Variants in USP15 observed in about 807,000 individuals in gnomAD.
USP15 encodes ubiquitin carboxyl-terminal hydrolase 15.
A neutral mutation model predicts 127.1 loss-of-function variants in USP15; 18 were observed. The ratio of observed to expected loss-of-function variants is 0.14; its 90% CI spans 0.10 to 0.21. USP15 has a LOEUF of 0.21. Among genes scored for constraint, USP15 ranks in the 10% least tolerant of loss-of-function variants. The probability of loss-of-function intolerance (pLI) is 1.00; values close to 1 mark genes in which losing one functional copy is unlikely to be tolerated. For missense variants in USP15, 805 were observed against 1,159.9 expected, an observed-to-expected ratio of 0.69 and a Z score of 4.44; for synonymous variants, 364 against 393.7, an observed-to-expected ratio of 0.92 and a Z score of 0.89.
At chr12:62,357,716 A>G (rs1057365757) in intron 8 of USP15, among the ~76,000 whole-genome samples, 2 of 152,156 alleles carry the variant, frequency 1.3e-5, no homozygotes, top group African/African-American at 4.8e-5. Context: ...GTGCGGCTTT[A>G]GCTTTTAGTT....
intron 1 of USP15, among the ~76,000 whole-genome samples, chr12:62,287,367 A>G (rs979281064): frequency 9.2e-5 from 14 of 152,228 alleles, no homozygotes; most frequent in African/African-American, 3.4e-4. Context: ...TGATATAAAA[A>G]TAAATTTTAA....
intron 2 of USP15, among the ~76,000 whole-genome samples, chr12:62,298,068 T>C (rs2064188793): frequency 6.6e-6 from 1 of 152,166 alleles, no homozygotes; most frequent in Non-Finnish European, 1.5e-5. Flanking sequence ...ATTGGCAAAC[T>C]TGTAGACGGA....
intron 8 of USP15, among the ~76,000 whole-genome samples, chr12:62,367,245 T>A (rs1333540442): frequency 1.3e-5 from 2 of 152,084 alleles, no homozygotes; most frequent in African/African-American, 4.8e-5. Flanking sequence ...GTTTTTTGTT[T>A]TTTTGAGATG....
intron 1 of USP15, among the ~76,000 whole-genome samples, chr12:62,279,664 C>T (rs950589039): frequency 1.3e-5 from 2 of 151,958 alleles, no homozygotes; most frequent in Admixed American, 6.6e-5. Flanking sequence ...CATCCTAACA[C>T]GTGTGAGGTG....
chr12:62,329,412 A>G (rs2065219999), intron 6 of USP15, among the ~76,000 whole-genome samples: 1 of 152,180 alleles, frequency 6.6e-6, no homozygotes, highest in South Asian at 2.1e-4. Context: ...GAAATTTTGG[A>G]GAATAACTAC....
intron 8 of USP15, among the ~76,000 whole-genome samples, chr12:62,365,512 C>T (rs189415477): frequency 2.2e-4 from 34 of 152,172 alleles, no homozygotes; most frequent in Admixed American, 1.2e-3. Context: ...TGCCTGTTCA[C>T]GCTCATGGTA....
intron 19 of USP15, 45 bp downstream of exon 19, chr12:62,393,247 C>G (rs1413493540): frequency 6.3e-7 from 1 of 1,579,988 alleles, no homozygotes; most frequent in Non-Finnish European, 8.6e-7. Flanking sequence ...ACTCTTCTTT[C>G]AAACTTATTT....
At chr12:62,382,324 A>G (rs1023617866) in intron 9 of USP15, among the ~76,000 whole-genome samples, 2 of 151,966 alleles carry the variant, frequency 1.3e-5, no homozygotes, top group Non-Finnish European at 2.9e-5. Flanking sequence ...TATAGGTGAA[A>G]CTTTGAGAAG....
chr12:62,373,788 T>G (rs1167183903), intron 8 of USP15, among the ~76,000 whole-genome samples: 3 of 151,984 alleles, frequency 2.0e-5, no homozygotes, highest in African/African-American at 7.2e-5. Flanking sequence ...TATGTGATCT[T>G]CAGAATTGAT....
intron 1 of USP15, chr12:62,277,544 G>A (rs2063528791): frequency 6.6e-6 from 1 of 152,064 alleles, no homozygotes; most frequent in Non-Finnish European, 1.5e-5. Flanking sequence ...AGTTTGCAGG[G>A]CTGGACGTTG....
In USP15 at chr12:62,404,399, G is replaced by T. The variant is rs1004402893; in HGVS notation, c.*24G>T. 1.3e-6 allele frequency: 2 copies of T among 1,547,538 alleles called. No homozygotes were observed. Among genetic ancestry groups the T allele is most frequent in the East Asian group, 2.3e-5 (1 of 42,804 alleles). ...AATGAAAGTCCTAGAAGCCATAAAA[G>T]AGACACTTTCCTGCTGGTGGTATCT... On this transcript the variant is annotated 3_prime_UTR_variant, in exon 22 of 22. Coordinates refer to ENST00000280377, the MANE Select transcript of USP15 (RefSeq NM_001252078.2).
rs577958392 is a variant in USP15, at chr12:62,392,562, G to A, written c.2420+175G>A. ...GGGATGGGAATGTCTTAAAAAATAC[G>A]ATTACAGTGTTGCCTTAATTTTATT... On this transcript the variant is annotated intron_variant, in intron 18 of 21. Coordinates refer to ENST00000280377, the MANE Select transcript of USP15 (RefSeq NM_001252078.2). 3.9e-5 allele frequency among the ~76,000 whole-genome samples: 6 copies of A among 152,146 alleles called. No homozygotes were observed. The East Asian group carries it at 5.8e-4, about 15-fold the overall frequency.
intron 1 of USP15, among the ~76,000 whole-genome samples, chr12:62,282,531 T>C (rs2063684052): frequency 6.6e-6 from 1 of 152,148 alleles, no homozygotes; most frequent in Admixed American, 6.5e-5. Context: ...TGAGATGACA[T>C]GAGGTAAATG....
At chr12:62,323,489 CATT>C (rs2065043495) in intron 5 of USP15, among the ~76,000 whole-genome samples, 1 of 152,214 alleles carries the variant, frequency 6.6e-6, no homozygotes, top group South Asian at 2.1e-4. Context: ...TTATTTTAGT[CATT>C]ATATTCTTAA....
intron 1 of USP15, among the ~76,000 whole-genome samples, chr12:62,267,422 A>G (rs539214064): frequency 6.6e-6 from 1 of 152,306 alleles, no homozygotes; most frequent in African/African-American, 2.4e-5. Context: ...AGTTCCAATT[A>G]TAATATAAAA....
chr12:62,315,586 T>C (rs149580491), intron 4 of USP15, among the ~76,000 whole-genome samples: 10 of 152,282 alleles, frequency 6.6e-5, no homozygotes, highest in African/African-American at 2.4e-4. Flanking sequence ...TAATTTCAAA[T>C]GAAGTTGTAA....
At position 62,407,031 on chromosome 12, in the gene USP15, T is replaced by C. The variant is rs2067888994; in HGVS notation, c.*2656T>C. The C allele has an allele frequency of 1.3e-5, 2 of 152,200 alleles. No homozygotes were observed. The highest frequency in any genetic ancestry group is 1.3e-4 in the Admixed American group (2 of 15,280). The allele number at this position is 152,200 out of a possible 1,614,324, so 9.4% of individuals were successfully genotyped here. A position where few individuals can be genotyped will look rare whatever the true frequency, so the allele number is the denominator to read the frequency against. The stretch of plus-strand genomic sequence containing the variant: ...AATATATCTAGACTAGAATTTCTAC[T>C]TCTAGCTTTGCCACTTAGCAATCAT... On this transcript the variant is annotated 3_prime_UTR_variant, in exon 22 of 22. Transcript: ENST00000280377.
chr12:62,381,383 T>G, intron 8 of USP15, 107 bp from the exon 9 acceptor site: 1 of 920,384 alleles, frequency 1.1e-6, no homozygotes, highest in South Asian at 2.3e-5. Flanking sequence ...CATTTAAATG[T>G]TCTCTGTGTT....
chr12:62,399,172 G>A (rs557386390), intron 20 of USP15, among the ~76,000 whole-genome samples: 2 of 152,272 alleles, frequency 1.3e-5, no homozygotes, highest in African/African-American at 4.8e-5. Context: ...CTCACAGCAC[G>A]CAAAAGCATT....
Sources: allele counts gnomAD v4.1 joint callset (sites outside exome capture counted in the v4.1 genomes callset), GRCh38; gene constraint gnomAD v4.1.1; transcripts MANE v1.5; gene names NCBI Gene and HGNC (gene_info 2026-07-23, HGNC 2026-07-21).